The following SPAG1 variants were observed in gnomAD, a reference collection of about 807,000 sequenced individuals.
The protein encoded by SPAG1 is sperm-associated antigen 1.
SPAG1 carries 69 observed loss-of-function variants against 100.5 expected under a neutral mutation model. The ratio of observed to expected loss-of-function variants is 0.69; its 90% confidence interval spans 0.57 to 0.84. The LOEUF (loss-of-function observed/expected upper bound fraction) is 0.84. Ranked by LOEUF, SPAG1 falls within the 40% of genes least tolerant of loss-of-function variation. The probability of loss-of-function intolerance (pLI) is 0.00; values close to 1 mark genes in which losing one functional copy is unlikely to be tolerated. For synonymous variants in SPAG1, 336 were observed against 411.6 expected (o/e 0.82, Z 2.22); for missense variants, 955 against 1,133.1 (o/e 0.84, Z 2.26).
chr8:100,202,651 A>AGT (rs1408586796), intron 10 of SPAG1, among the ~76,000 whole-genome samples: 10 of 133,358 alleles, frequency 7.5e-5, no homozygotes, highest in Non-Finnish European at 1.4e-4. Context: ...CGGAGCTTGC[A>AGT]GTGAGCCGAG....
chr8:100,165,233 A>G (rs1346218795), intron 2 of SPAG1: 4 of 519,258 alleles, frequency 7.7e-6, no homozygotes, highest in Admixed American at 4.0e-5. Context: ...AACAACTTCC[A>G]TCACGACTCT....
In SPAG1 at chr8:100,231,217, T is replaced by C. The variant is rs1015023389; in HGVS notation, c.1917T>C (p.Tyr639=). 39 of 1,607,210 alleles carry C rather than the reference T, an allele frequency of 2.4e-5. No individual in the cohort carries two copies. The highest frequency in any genetic ancestry group is 3.1e-5 in the Non-Finnish European group (37 of 1,175,124). ...ATCAATGTGTAAATGACAAAAACTATAAAGACGCCCTCAGTAAATACAGCG... is the reference window on the plus strand; with the variant it reads ...ATCAATGTGTAAATGACAAAAACTACAAAGACGCCCTCAGTAAATACAGCG... ...EGNQCVNDKN[Y]KDALSKYSEC... is the part of the protein sequence containing the mutation. The change falls in exon 15 of 19, where the codon TAT becomes TAC. Residue 639 remains tyrosine (Y), a synonymous_variant. Coordinates refer to ENST00000388798, the MANE Select transcript of SPAG1 (RefSeq NM_003114.5).
chr8:100,233,555 T>G lies in SPAG1; in HGVS notation c.2115+18T>G. The G allele has an allele frequency of 6.4e-7, 1 of 1,567,092 alleles. No individual in the cohort carries two copies. Among genetic ancestry groups the G allele is most frequent in the Non-Finnish European group, 8.7e-7 (1 of 1,154,066 alleles). ...GACTCAAGGTGAGGAAATCTTCATTTTAATGCATAAACTTCAGCTCTGAAC... is the reference window on the plus strand; with the variant it reads ...GACTCAAGGTGAGGAAATCTTCATTGTAATGCATAAACTTCAGCTCTGAAC... On this transcript the variant is annotated intron_variant, in intron 16 of 18. Coordinates refer to ENST00000388798, the MANE Select transcript of SPAG1 (RefSeq NM_003114.5).
chr8:100,236,444 T>C (rs761874944), intron 16 of SPAG1, among the ~76,000 whole-genome samples: 2 of 152,182 alleles, frequency 1.3e-5, no homozygotes, highest in African/African-American at 2.4e-5. Flanking sequence ...ATGCTTGGCC[T>C]AATTTCAGGA....
chr8:100,191,470 G>A lies in SPAG1; in HGVS notation c.913G>A (p.Val305Ile). The change falls in exon 9 of 19, where the codon GTT (valine) becomes ATT (isoleucine). Residue 305 changes from valine (V) to isoleucine (I), a missense_variant. Physicochemically the swap from Val to Ile is conservative, Grantham distance 29. Transcript: ENST00000388798. ...AGAAGATTTGAGTAAAGTACTAGAT[G>A]TTGAGCCTGATAATGATTTGGCCAA... ...ATEDLSKVLD[V>I]EPDNDLAKKT... The A allele has an allele frequency of 1.2e-6, 2 of 1,613,128 alleles. No homozygotes were observed. Among genetic ancestry groups the A allele is most frequent in the Non-Finnish European group, 1.7e-6 (2 of 1,179,130 alleles).
rs1470478563 is a variant in SPAG1 at position 100,239,664 on chromosome 8, C to T, written c.2280+260C>T. ...CTTTCTTTGGCCTCCATCTGTACTG[C>T]TCCCACTCCAGAGTACACTGGGAAC... On this transcript the variant is annotated intron_variant, in intron 17 of 18. Transcript: ENST00000388798. The surrounding 1 kb of genome is among the most constrained non-coding windows in gnomAD (Gnocchi z 5.0). 6.6e-6 allele frequency among the ~76,000 whole-genome samples: 1 copy of T among 152,226 alleles called. No homozygotes were observed. The highest frequency in any genetic ancestry group is 1.5e-5 in the Non-Finnish European group (1 of 68,046).
chr8:100,183,241 G>A (rs990936985), intron 4 of SPAG1, 134 bp from the exon 5 acceptor site: 1 of 475,326 alleles, frequency 2.1e-6, no homozygotes, highest in Non-Finnish European at 3.9e-6. Flanking sequence ...CCAAAGTGCT[G>A]GGATTACAGG....
In SPAG1 at chr8:100,231,371, T is replaced by C. The variant is rs969384739; in HGVS notation, c.1988+83T>C. 19 of 1,003,322 alleles carry C rather than the reference T, an allele frequency of 1.9e-5. No homozygotes were observed. In the African/African-American group the frequency reaches 3.1e-4, roughly 16 times the overall value. The allele number at this position is 1,003,322 out of a possible 1,614,324, so 62.2% of individuals were successfully genotyped here. On this transcript the variant is annotated intron_variant, in intron 15 of 18. Transcript: ENST00000388798. Reference sequence around the variant, plus strand: ...ATTTTAAGTTATTTTATTAACACAATTAAGTAATTGCCAAAGTTTTTTGTG... The same window carrying C: ...ATTTTAAGTTATTTTATTAACACAACTAAGTAATTGCCAAAGTTTTTTGTG...
intron 3 of SPAG1, among the ~76,000 whole-genome samples, chr8:100,177,181 C>T (rs1013428351): frequency 6.6e-6 from 1 of 152,112 alleles, no homozygotes; most frequent in African/African-American, 2.4e-5. Flanking sequence ...TACAGTATTA[C>T]ACTAAACATC....
rs1403269911 is a variant in SPAG1, at chr8:100,239,875, A to G, written c.2280+471A>G. Among the ~76,000 whole-genome samples the G allele has an allele frequency of 1.3e-5, 2 of 152,230 alleles. No individual in the cohort carries two copies. Among genetic ancestry groups the G allele is most frequent in the African/African-American group, 4.8e-5 (2 of 41,460 alleles). On this transcript the variant is annotated intron_variant, in intron 17 of 18. Coordinates refer to ENST00000388798, the MANE Select transcript of SPAG1 (RefSeq NM_003114.5). This position sits in a 1 kb window ranked among gnomAD's most constrained non-coding sequence, Gnocchi z 5.0. ...ACCTCAGGATCAAACTGCTTTTGTG[A>G]TTCAGATAACTAAAATGTTTTTCTC...
At chr8:100,233,621 G>C in intron 16 of SPAG1, 84 bp downstream of exon 16, 1 of 1,356,850 alleles carries the variant, frequency 7.4e-7, no homozygotes, top group Non-Finnish European at 1.0e-6. Context: ...CCAGATCTTG[G>C]GATGGGATTG....
chr8:100,160,255 T>G (rs574216786), intron 1 of SPAG1, among the ~76,000 whole-genome samples: 1 of 152,224 alleles, frequency 6.6e-6, no homozygotes, highest in East Asian at 1.9e-4. Context: ...CCTGGAGCTG[T>G]GAGGATAAAT....
At chr8:100,236,973 A>G (rs1297937195) in intron 16 of SPAG1, among the ~76,000 whole-genome samples, 2 of 152,222 alleles carry the variant, frequency 1.3e-5, no homozygotes, top group African/African-American at 4.8e-5. Context: ...AAATATCACA[A>G]ACACGTGATT....
intron 13 of SPAG1, among the ~76,000 whole-genome samples, chr8:100,220,963 C>T (rs1430291044): frequency 6.6e-6 from 1 of 151,982 alleles, no homozygotes. Context: ...ATCCCAGCTA[C>T]TCAGGAGGCT....
chr8:100,198,868 A>G (rs1254142001), intron 10 of SPAG1, among the ~76,000 whole-genome samples: 1 of 152,230 alleles, frequency 6.6e-6, no homozygotes, highest in East Asian at 1.9e-4. Context: ...ATTTCATACA[A>G]ATGGAATCAT....
chr8:100,176,820 TCTCCTC>T (rs1285671608), intron 3 of SPAG1, among the ~76,000 whole-genome samples: 17 of 146,952 alleles, frequency 1.2e-4, no homozygotes, highest in Non-Finnish European at 2.1e-4. Context: ...TCTCCTCTCC[TCTCCTC>T]TCCTCTCCTC....
intron 16 of SPAG1, among the ~76,000 whole-genome samples, chr8:100,236,627 T>C (rs1321070412): frequency 1.3e-5 from 2 of 152,216 alleles, no homozygotes; most frequent in Non-Finnish European, 2.9e-5. Flanking sequence ...TTTTCTGACT[T>C]TGTTATTTTT....
At chr8:100,181,393 G>A (rs17420284) in intron 4 of SPAG1, among the ~76,000 whole-genome samples, 25,495 of 152,146 alleles carry the variant, frequency 0.17, 2,455 homozygotes, top group South Asian at 0.23. Context: ...GTATTTGAGA[G>A]CCACATATGA....
chr8:100,234,513 T>C (rs1233353996), intron 16 of SPAG1, among the ~76,000 whole-genome samples: 3 of 152,264 alleles, frequency 2.0e-5, no homozygotes, highest in African/African-American at 7.2e-5. Flanking sequence ...ATAAATCATA[T>C]AGAATGGACT....
Sources: gnomAD v4.1 joint callset for allele counts (sites outside exome capture counted in the v4.1 genomes callset) on GRCh38, gnomAD v4.1.1 for gene constraint, Gnocchi (gnomAD v3.1) non-coding constraint, MANE v1.5 for transcripts, NCBI Gene and HGNC (gene_info 2026-07-23, HGNC 2026-07-21) for gene names.